The following ZCWPW2 variants were observed in gnomAD, a reference collection of about 807,000 sequenced individuals.
ZCWPW2 encodes zinc finger CW-type and PWWP domain containing 2, also known as zinc finger CW-type PWWP domain protein 2.
Under a neutral mutation model 46.6 loss-of-function variants are expected in ZCWPW2, and 45 were observed. The observed-to-expected ratio is 0.96, with a 90% CI of 0.76 to 1.24. ZCWPW2 has a LOEUF of 1.24. Ranked by LOEUF, ZCWPW2 falls within the 50% of genes most tolerant of loss-of-function variation. The probability of loss-of-function intolerance (pLI) is 0.00; values close to 1 mark genes in which losing one functional copy is unlikely to be tolerated. For missense variants in ZCWPW2, 429 were observed against 403.9 expected (o/e 1.06, Z -0.53); for synonymous variants, 152 against 137.1 (o/e 1.11, Z -0.76).
intron 1 of ZCWPW2, among the ~76,000 whole-genome samples, chr3:28,356,684 A>G (rs530152271): frequency 1.1e-4 from 17 of 152,352 alleles, no homozygotes; most frequent in African/African-American, 4.1e-4. Context: ...ATAAAAAATG[A>G]TGAGTTCATG....
intron 3 of ZCWPW2, among the ~76,000 whole-genome samples, chr3:28,432,622 A>C (rs1409505663): frequency 6.6e-6 from 1 of 152,110 alleles, no homozygotes; most frequent in Non-Finnish European, 1.5e-5. Context: ...TATAAGTGCA[A>C]TTTTGCCATG....
At chr3:28,392,312 A>G (rs768523182) in intron 2 of ZCWPW2, among the ~76,000 whole-genome samples, 1 of 152,224 alleles carries the variant, frequency 6.6e-6, no homozygotes, top group African/African-American at 2.4e-5. Flanking sequence ...ACCTAAATAT[A>G]TAAGGCAAAT....
intron 4 of ZCWPW2, among the ~76,000 whole-genome samples, chr3:28,439,464 A>C (rs1393006594): frequency 6.6e-6 from 1 of 152,012 alleles, no homozygotes; most frequent in Non-Finnish European, 1.5e-5. Flanking sequence ...TCAAATGTTA[A>C]TCTCCTTTGG....
At chr3:28,378,220 G>A (rs373608692) in intron 1 of ZCWPW2, among the ~76,000 whole-genome samples, 14 of 151,708 alleles carry the variant, frequency 9.2e-5, no homozygotes, top group South Asian at 2.1e-4. Flanking sequence ...GTAAAAGAAC[G>A]AACAGTGAAA....
intron 4 of ZCWPW2, among the ~76,000 whole-genome samples, chr3:28,473,497 G>C (rs372931506): frequency 6.6e-6 from 1 of 151,670 alleles, no homozygotes; most frequent in South Asian, 2.1e-4. Flanking sequence ...AAAAAATAGA[G>C]CTACTATATG....
At chr3:28,495,401 A>C (rs2125819978) in intron 6 of ZCWPW2, among the ~76,000 whole-genome samples, 1 of 152,244 alleles carries the variant, frequency 6.6e-6, no homozygotes, top group South Asian at 2.1e-4. Flanking sequence ...ATCTTTGCTA[A>C]ATGATATTTA....
At chr3:28,472,326 T>C (rs962940193) in intron 4 of ZCWPW2, among the ~76,000 whole-genome samples, 1 of 152,218 alleles carries the variant, frequency 6.6e-6, no homozygotes, top group Non-Finnish European at 1.5e-5. Flanking sequence ...CTTCAAATTA[T>C]ACTATAGAGC....
intron 1 of ZCWPW2, among the ~76,000 whole-genome samples, chr3:28,374,362 A>T (rs185530998): frequency 5.9e-5 from 9 of 152,182 alleles, no homozygotes; most frequent in Non-Finnish European, 1.0e-4. Context: ...GTCTAGTTTT[A>T]TGTGGCTTTG....
chr3:28,501,907 C>T (rs1272730640), intron 6 of ZCWPW2, among the ~76,000 whole-genome samples: 1 of 152,006 alleles, frequency 6.6e-6, no homozygotes, highest in Non-Finnish European at 1.5e-5. Context: ...CACCACCATG[C>T]CTGGCTAATA....
chr3:28,490,104 CA>C (rs1699755434), intron 5 of ZCWPW2, among the ~76,000 whole-genome samples: 1 of 152,052 alleles, frequency 6.6e-6, no homozygotes, highest in Non-Finnish European at 1.5e-5. Context: ...AAATGCAAAT[CA>C]AAACCATAAT....
At chr3:28,405,624 C>A (rs1696126673) in intron 2 of ZCWPW2, among the ~76,000 whole-genome samples, 1 of 152,034 alleles carries the variant, frequency 6.6e-6, no homozygotes, top group Non-Finnish European at 1.5e-5. Flanking sequence ...TACAGGCACC[C>A]ACCACCATGC....
intron 8 of ZCWPW2, among the ~76,000 whole-genome samples, 169 bp downstream of exon 8, chr3:28,515,790 CATAT>C (rs759426303): frequency 1.4e-5 from 2 of 144,556 alleles, no homozygotes; most frequent in East Asian, 3.9e-4. Context: ...CATTTTTACA[CATAT>C]ATATGTGTGT....
chr3:28,521,172 C>A (rs1700714290), intron 9 of ZCWPW2, 56 bp downstream of exon 9: 3 of 1,528,464 alleles, frequency 2.0e-6, no homozygotes, highest in African/African-American at 1.4e-5. Context: ...CTTTAAACAG[C>A]AGAATTGTTC....
chr3:28,372,851 CACTT>C (rs1441868164), intron 1 of ZCWPW2, among the ~76,000 whole-genome samples: 3 of 152,150 alleles, frequency 2.0e-5, no homozygotes, highest in Admixed American at 6.6e-5. Flanking sequence ...GTTTAGCTGT[CACTT>C]ACAAGCGAGA....
intron 9 of ZCWPW2, among the ~76,000 whole-genome samples, chr3:28,524,112 G>A (rs1450196204): frequency 1.3e-5 from 2 of 151,932 alleles, no homozygotes; most frequent in East Asian, 3.9e-4. Flanking sequence ...TTCCCACTAA[G>A]CAAGAGCAAA....
At chr3:28,364,771 T>C (rs1705066865) in intron 1 of ZCWPW2, among the ~76,000 whole-genome samples, 1 of 152,138 alleles carries the variant, frequency 6.6e-6, no homozygotes, top group Non-Finnish European at 1.5e-5. Context: ...TGAACTAGTT[T>C]ATATTCCCAC....
At chr3:28,458,799 T>G (rs1698519353) in intron 4 of ZCWPW2, among the ~76,000 whole-genome samples, 1 of 152,224 alleles carries the variant, frequency 6.6e-6, no homozygotes. Context: ...ACCAGGGTCT[T>G]TCAAAGTTGG....
intron 5 of ZCWPW2, 66 bp from the exon 6 acceptor site, chr3:28,492,061 T>C: frequency 1.4e-6 from 2 of 1,452,696 alleles, no homozygotes; most frequent in South Asian, 1.2e-5. Context: ...AATTGTGTAA[T>C]TCAGTATTTA....
chr3:28,498,238 C>CGTGTGTGTGT (rs56760870), intron 6 of ZCWPW2, among the ~76,000 whole-genome samples: 1 of 145,488 alleles, frequency 6.9e-6, no homozygotes, highest in African/African-American at 2.5e-5. Flanking sequence ...TACATATATA[C>CGTGTGTGTGT]GTGTGTGTGT....
Sources: gnomAD v4.1 joint callset for allele counts (sites outside exome capture counted in the v4.1 genomes callset) on GRCh38, gnomAD v4.1.1 for gene constraint, MANE v1.5 for transcripts, NCBI Gene and HGNC (gene_info 2026-07-23, HGNC 2026-07-21) for gene names.